The following NT5DC4 variants were observed in gnomAD, a reference collection of about 807,000 sequenced individuals.
The protein encoded by NT5DC4 is 5'-nucleotidase domain containing 4, also known as 5'-nucleotidase domain-containing protein 4.
NT5DC4 carries 44 observed loss-of-function variants against 26.6 expected under a neutral mutation model. The ratio of observed to expected loss-of-function variants is 1.65; its 90% confidence interval spans 1.30 to 2.13. The LOEUF (loss-of-function observed/expected upper bound fraction) is 2.13, where lower values mean the gene tolerates loss of function less well. Among genes scored for constraint, NT5DC4 ranks in the 30% most tolerant of loss-of-function variants. NT5DC4 has a pLI of 0.00. For synonymous variants in NT5DC4, 157 were observed against 86.7 expected, an observed-to-expected ratio of 1.81 and a Z score of -4.51; for missense variants, 399 against 228.1, an observed-to-expected ratio of 1.75 and a Z score of -4.83.
Position 112,725,402 on chromosome 2 carries a change from G to C in NT5DC4, c.1003G>C (p.Glu335Gln). The change falls in exon 13 of 17, where the codon GAG becomes CAG. Residue 335 changes from glutamate to glutamine, a missense_variant. Transcript: ENST00000688554. ...GGCAGGCTCTTCGGACATGGTGTGC[G>C]AGCTGCTTGGGGTTCGGGGGATGGA... Reference protein sequence around the residue: ...YSGGSSDMVCELLGVRGMDIL... With the variant: ...YSGGSSDMVCQLLGVRGMDIL... 2.8e-6 allele frequency: 2 copies of C among 712,596 alleles called. No individual in the cohort carries two copies. Among genetic ancestry groups the C allele is most frequent in the Non-Finnish European group, 5.2e-6 (2 of 381,376 alleles). 44.1% of individuals were successfully genotyped at this position (712,596 alleles called of 1,614,324 possible). A position where few individuals can be genotyped will look rare whatever the true frequency, so the allele number is the denominator to read the frequency against.
At chr2:112,727,926 A>G (rs1262064521) in intron 15 of NT5DC4, among the ~76,000 whole-genome samples, 2 of 152,156 alleles carry the variant, frequency 1.3e-5, no homozygotes. Context: ...GCCTGCCTCG[A>G]CCTCCTGTAC....
chr2:112,724,339 G>A (rs1293177058), intron 10 of NT5DC4: 1 of 607,710 alleles, frequency 1.6e-6, no homozygotes, highest in Non-Finnish European at 3.0e-6. Flanking sequence ...CTTTGGGGGT[G>A]ATAGGAGGCA....
In NT5DC4 at chr2:112,722,111, G is replaced by A. The variant is rs1676951212; in HGVS notation, c.266+8G>A. The A allele has an allele frequency of 1.4e-6, 1 of 716,782 alleles. No individual in the cohort carries two copies. The highest frequency in any genetic ancestry group is 2.0e-5 in the Admixed American group (1 of 49,994). 44.4% of individuals were successfully genotyped at this position (716,782 alleles called of 1,614,324 possible). A position where few individuals can be genotyped will look rare whatever the true frequency, so the allele number is the denominator to read the frequency against. On this transcript the variant is annotated splice_region_variant and intron_variant, in intron 3 of 16. Coordinates refer to ENST00000688554, the MANE Select transcript of NT5DC4 (RefSeq NM_001393655.1). ...CCCCACCTTCCCCACCAGGTGTGTG[G>A]CTCAGGACAGGTGGGAGGCCACCCG...
At chr2:112,734,169 A>ATGTGTGTGTGTGTGTGTGTGTGTGTG (rs59851361) in intron 16 of NT5DC4, among the ~76,000 whole-genome samples, 1 of 134,866 alleles carries the variant, frequency 7.4e-6, no homozygotes, top group African/African-American at 2.8e-5. Flanking sequence ...TATTATATAT[A>ATGTGTGTGTGTGTGTGTGTGTGTGTG]TGTGTGTGTG....
Position 112,729,723 on chromosome 2 carries a change from C to A in NT5DC4, c.1344+19C>A. The A allele has an allele frequency of 4.2e-6, 3 of 717,426 alleles. No individual in the cohort carries two copies. Among genetic ancestry groups the A allele is most frequent in the Non-Finnish European group, 5.2e-6 (2 of 385,062 alleles). 44.4% of individuals were successfully genotyped at this position (717,426 alleles called of 1,614,324 possible). On this transcript the variant is annotated intron_variant, in intron 16 of 16. Transcript: ENST00000688554. The stretch of plus-strand genomic sequence containing the variant: ...CCAGAGGGTGAGTGGCTGTGGCCGA[C>A]GAACTCTGTGGCTTGGGGTCCCATG...
downstream of NT5DC4, chr2:112,742,833 A>C: frequency 9.2e-7 from 1 of 1,081,098 alleles, no homozygotes; most frequent in Non-Finnish European, 1.4e-6. Flanking sequence ...TTGCTAAGGA[A>C]CTTTAACTTC....
chr2:112,742,752 C>T (rs1172704344), downstream of NT5DC4: 1 of 1,609,296 alleles, frequency 6.2e-7, no homozygotes, highest in Non-Finnish European at 8.5e-7. Context: ...GAACAACTTT[C>T]CGCAACTCTT....
At chr2:112,740,239 C>A (rs926797568), downstream of NT5DC4, among the ~76,000 whole-genome samples, 2 of 152,052 alleles carry the variant, frequency 1.3e-5, no homozygotes, top group Non-Finnish European at 2.9e-5. Flanking sequence ...GGAAGAGATT[C>A]GGCTGTGCTT....
At chr2:112,741,358 G>T (rs1292207077), downstream of NT5DC4, among the ~76,000 whole-genome samples, 1 of 152,072 alleles carries the variant, frequency 6.6e-6, no homozygotes, top group Non-Finnish European at 1.5e-5. Flanking sequence ...ACCACACCTT[G>T]GATCAATTTT....
intron 16 of NT5DC4, among the ~76,000 whole-genome samples, chr2:112,734,619 G>A (rs59143214): frequency 6.6e-6 from 1 of 152,144 alleles, no homozygotes; most frequent in African/African-American, 2.4e-5. Context: ...GGTCACATGC[G>A]CATACTGGGG....
downstream of NT5DC4, among the ~76,000 whole-genome samples, chr2:112,741,514 G>A (rs1264855787): frequency 1.2e-4 from 18 of 152,206 alleles, no homozygotes; most frequent in Admixed American, 1.2e-3. Context: ...CAAAATGAAA[G>A]GAAGGAAATC....
rs190259661 is a variant in NT5DC4, at chr2:112,729,546, G to A, written c.1267-81G>A. The A allele has an allele frequency of 2.7e-3, 1,880 of 706,678 alleles. 11 individuals carry two copies. Among genetic ancestry groups the A allele is most frequent in the Non-Finnish European group, 2.3e-3 (856 of 377,948 alleles). 43.8% of individuals were successfully genotyped at this position (706,678 alleles called of 1,614,324 possible). ...AGGAAGTTGGCAGCTGTGGGCAGGGGAGCCTGTGCATAGCTGAGGAATCCT... is the reference window on the plus strand; with the variant it reads ...AGGAAGTTGGCAGCTGTGGGCAGGGAAGCCTGTGCATAGCTGAGGAATCCT... On this transcript the variant is annotated intron_variant, in intron 15 of 16. Transcript: ENST00000688554.
Position 112,729,815 on chromosome 2 carries a change from G to A in NT5DC4, c.1344+111G>A. 4 of 664,826 alleles carry A rather than the reference G, an allele frequency of 6.0e-6. No individual in the cohort carries two copies. In the Admixed American group the frequency reaches 6.9e-5, roughly 11 times the overall value. 41.2% of individuals were successfully genotyped at this position (664,826 alleles called of 1,614,324 possible). ...GACGCATGAGGCAATTGGTGGGGGG[G>A]CTTGTGGGCTTGTTTTTGTCTGCAA... On this transcript the variant is annotated intron_variant, in intron 16 of 16. Transcript: ENST00000688554.
At chr2:112,726,208 C>T (rs1235992003) in intron 13 of NT5DC4, 30 bp from the exon 14 acceptor site, 1 of 717,036 alleles carries the variant, frequency 1.4e-6, no homozygotes, top group Non-Finnish European at 2.6e-6. Flanking sequence ...GGCCGTCACT[C>T]ACCCCCACTG....
chr2:112,719,354 C>G (rs867180915), upstream of NT5DC4, among the ~76,000 whole-genome samples: 11 of 152,074 alleles, frequency 7.2e-5, no homozygotes, highest in African/African-American at 2.4e-4. Context: ...GGAAGGAGCT[C>G]TTCCATGGAT....
downstream of NT5DC4, among the ~76,000 whole-genome samples, chr2:112,742,227 T>G (rs1227667872): frequency 2.6e-5 from 4 of 152,232 alleles, no homozygotes; most frequent in African/African-American, 9.6e-5. Context: ...TCACTCGTGT[T>G]TGGCACAATA....
Position 112,725,200 on chromosome 2 carries a change from C to T in NT5DC4, c.942C>T (p.Thr314=), listed in dbSNP as rs916242145. ...AEDSGKLHVG[T]YTGPHQHCAV... is the part of the protein sequence containing the mutation. ...ACTCAGGAAAGCTCCACGTGGGCAC[C>T]TACACAGGGCCCCACCAGCACTGTG... Residue 314 remains threonine (T), a synonymous_variant, in exon 12 of 17, where the codon ACC becomes ACT. Coordinates refer to ENST00000688554, the MANE Select transcript of NT5DC4 (RefSeq NM_001393655.1). The T allele has an allele frequency of 7.0e-6, 5 of 716,060 alleles. No homozygotes were observed. The highest frequency in any genetic ancestry group is 1.3e-5 in the Non-Finnish European group (5 of 384,172). 44.4% of individuals were successfully genotyped at this position (716,060 alleles called of 1,614,324 possible).
chr2:112,728,243 C>T (rs1414167108), intron 15 of NT5DC4, among the ~76,000 whole-genome samples: 1 of 152,208 alleles, frequency 6.6e-6, no homozygotes, highest in Admixed American at 6.5e-5. Flanking sequence ...CACACTATCT[C>T]GTCATTTCCT....
downstream of NT5DC4, among the ~76,000 whole-genome samples, chr2:112,740,004 G>A (rs1467128696): frequency 6.6e-6 from 1 of 152,138 alleles, no homozygotes; most frequent in African/African-American, 2.4e-5. Flanking sequence ...GCCCAGGCTG[G>A]AGTGCAATGG....
Sources: allele counts gnomAD v4.1 joint callset (sites outside exome capture counted in the v4.1 genomes callset), GRCh38; gene constraint gnomAD v4.1.1; transcripts MANE v1.5; gene names NCBI Gene and HGNC (gene_info 2026-07-23, HGNC 2026-07-21).